DLGAP2: variants seen among roughly 807,000 people sequenced by gnomAD.
DLGAP2 encodes DLG associated protein 2, also known as disks large-associated protein 2.
A neutral mutation model predicts 100.3 loss-of-function variants in DLGAP2; 26 were observed. The ratio of observed to expected loss-of-function variants is 0.26; its 90% CI spans 0.19 to 0.36. The LOEUF is 0.36. Ranked by LOEUF, DLGAP2 falls within the 10% of genes least tolerant of loss-of-function variation. The pLI, the probability that DLGAP2 is intolerant of heterozygous loss-of-function variation, is 1.00. For synonymous variants in DLGAP2, 886 were observed against 630.1 expected (o/e 1.41, Z -6.08); for missense variants, 1,858 against 1,453.2 (o/e 1.28, Z -4.53).
chr8:820,234 A>T (rs1796558869), intron 1 of DLGAP2, among the ~76,000 whole-genome samples: 1 of 152,268 alleles, frequency 6.6e-6, no homozygotes, highest in African/African-American at 2.4e-5. Context: ...TAATCATTAA[A>T]GATAGTTACT....
chr8:1,065,727 C>G (rs547364886), intron 2 of DLGAP2, among the ~76,000 whole-genome samples: 2 of 152,296 alleles, frequency 1.3e-5, no homozygotes, highest in Non-Finnish European at 2.9e-5. Context: ...TCTGGTTATC[C>G]CATTTAAGTA....
At chr8:1,237,646 C>T (rs1295890307) in intron 2 of DLGAP2, among the ~76,000 whole-genome samples, 1 of 145,110 alleles carries the variant, frequency 6.9e-6, no homozygotes, top group South Asian at 2.3e-4. Context: ...GTCTAGTTCT[C>T]TCTCACACAT....
At chr8:908,748 G>T (rs746230033) in intron 2 of DLGAP2, among the ~76,000 whole-genome samples, 2 of 152,160 alleles carry the variant, frequency 1.3e-5, no homozygotes, top group African/African-American at 4.8e-5. Context: ...TGCCTCTTTC[G>T]TGTGAGGGGC....
intron 3 of DLGAP2, among the ~76,000 whole-genome samples, chr8:1,361,557 T>C (rs1801982491): frequency 6.6e-6 from 1 of 152,236 alleles, no homozygotes; most frequent in South Asian, 2.1e-4. Flanking sequence ...TTGCTCGTGA[T>C]TGTTTTAGAA....
chr8:1,206,948 G>A (rs1355047937), intron 2 of DLGAP2, among the ~76,000 whole-genome samples: 1 of 152,056 alleles, frequency 6.6e-6, no homozygotes, highest in African/African-American at 2.4e-5. Flanking sequence ...TCTCAGTGCT[G>A]AGTGGACACC....
intron 3 of DLGAP2, among the ~76,000 whole-genome samples, chr8:1,278,401 A>AC (rs758828460): frequency 2.0e-4 from 31 of 152,174 alleles, no homozygotes; most frequent in Non-Finnish European, 3.7e-4. Flanking sequence ...GTCATTACTC[A>AC]ATTACTTTAC....
intron 3 of DLGAP2, among the ~76,000 whole-genome samples, chr8:1,389,652 T>C (rs1796301266): frequency 6.6e-6 from 1 of 152,002 alleles, no homozygotes; most frequent in African/African-American, 2.4e-5. Context: ...AGACCTCAGA[T>C]TGTGCAGAAT....
intron 3 of DLGAP2, among the ~76,000 whole-genome samples, chr8:1,316,937 C>G (rs1389931501): frequency 3.1e-5 from 3 of 96,888 alleles, no homozygotes; most frequent in African/African-American, 4.4e-5. Context: ...GGTCTACACT[C>G]GAGACACTCG....
At chr8:1,347,671 C>T (rs1801597488) in intron 3 of DLGAP2, among the ~76,000 whole-genome samples, 1 of 151,114 alleles carries the variant, frequency 6.6e-6, no homozygotes, top group Non-Finnish European at 1.5e-5. Context: ...AGCTGCGCTG[C>T]TCTCATGGTA....
At chr8:911,289 G>T (rs746901073) in intron 2 of DLGAP2, among the ~76,000 whole-genome samples, 1 of 152,184 alleles carries the variant, frequency 6.6e-6, no homozygotes, top group Non-Finnish European at 1.5e-5. Context: ...TATGTTGGAA[G>T]GATGCTGGAG....
At chr8:1,288,574 C>G (rs1481387148) in intron 3 of DLGAP2, among the ~76,000 whole-genome samples, 1 of 99,422 alleles carries the variant, frequency 1.0e-5, no homozygotes, top group Non-Finnish European at 1.9e-5. Flanking sequence ...AGGAGGGGAA[C>G]TAGTTTCAGT....
At chr8:1,633,989 T>C (rs542427212) in intron 8 of DLGAP2, among the ~76,000 whole-genome samples, 17 of 152,326 alleles carry the variant, frequency 1.1e-4, no homozygotes, top group Admixed American at 5.2e-4. Context: ...AATGCTAAAG[T>C]GAACAAGAAA....
chr8:921,985 A>G (rs1427209399), intron 2 of DLGAP2, among the ~76,000 whole-genome samples: 1 of 152,144 alleles, frequency 6.6e-6, no homozygotes, highest in Non-Finnish European at 1.5e-5. Flanking sequence ...GCATTTCTGA[A>G]ACGGCAAATA....
chr8:1,257,423 G>A (rs977347480), intron 2 of DLGAP2, among the ~76,000 whole-genome samples: 1 of 151,704 alleles, frequency 6.6e-6, no homozygotes, highest in African/African-American at 2.4e-5. Context: ...TCACCTCTCT[G>A]CCTGCCCCTC....
chr8:1,591,275 G>A (rs551739357), intron 6 of DLGAP2, among the ~76,000 whole-genome samples: 65 of 147,522 alleles, frequency 4.4e-4, no homozygotes, highest in African/African-American at 1.5e-3. Flanking sequence ...TAGAGCATGG[G>A]GGTCACTCAC....
At chr8:1,636,178 C>T (rs914807309) in intron 8 of DLGAP2, among the ~76,000 whole-genome samples, 3 of 152,210 alleles carry the variant, frequency 2.0e-5, no homozygotes, top group Admixed American at 2.0e-4. Context: ...ATATGCATCT[C>T]ACCCGATTTT....
At chr8:1,354,571 A>G (rs1801806624) in intron 3 of DLGAP2, among the ~76,000 whole-genome samples, 2 of 152,190 alleles carry the variant, frequency 1.3e-5, no homozygotes, top group Non-Finnish European at 2.9e-5. Context: ...GGGGCCATTA[A>G]GATGATGCTG....
At chr8:892,211 A>C (rs1798049104) in intron 1 of DLGAP2, among the ~76,000 whole-genome samples, 1 of 152,134 alleles carries the variant, frequency 6.6e-6, no homozygotes, top group South Asian at 2.1e-4. Context: ...AGTTGATCCA[A>C]ATGATAGACA....
intron 2 of DLGAP2, among the ~76,000 whole-genome samples, chr8:1,013,585 A>G (rs1001599927): frequency 6.6e-6 from 1 of 151,524 alleles, no homozygotes; most frequent in Non-Finnish European, 1.5e-5. Flanking sequence ...TGGCCCAGCA[A>G]ACGGACAGAC....
Sources: allele counts gnomAD v4.1 joint callset (sites outside exome capture counted in the v4.1 genomes callset), GRCh38; gene constraint gnomAD v4.1.1; transcripts MANE v1.5; gene names NCBI Gene and HGNC (gene_info 2026-07-23, HGNC 2026-07-21).